CD82: variants seen among roughly 807,000 people sequenced by gnomAD.
CD82 encodes the protein CD82 antigen.
CD82 carries 36 observed loss-of-function variants against 37.4 expected under a neutral mutation model. The observed-to-expected ratio is 0.96, with a 90% CI of 0.74 to 1.27. The LOEUF (loss-of-function observed/expected upper bound fraction) is 1.27, where lower values mean the gene tolerates loss of function less well. Among genes scored for constraint, CD82 ranks in the 50% most tolerant of loss-of-function variants. The pLI is 0.00. For synonymous variants in CD82, 158 were observed against 137.4 expected (o/e 1.15, Z -1.05); for missense variants, 340 against 347.0 (o/e 0.98, Z 0.16).
chr11:44,598,935 G>A (rs530551106), intron 3 of CD82, among the ~76,000 whole-genome samples: 101 of 152,226 alleles, frequency 6.6e-4, no homozygotes, highest in Non-Finnish European at 1.2e-3. Flanking sequence ...CTAATGGCCA[G>A]CCTTGTGGGT....
intron 6 of CD82, among the ~76,000 whole-genome samples, chr11:44,614,081 C>T (rs999615067): frequency 3.3e-5 from 5 of 152,094 alleles, no homozygotes; most frequent in African/African-American, 1.2e-4. Context: ...GGTGCGATCT[C>T]GACTCACTGT....
At chr11:44,615,910 G>A (rs945377385) in intron 7 of CD82, among the ~76,000 whole-genome samples, 2 of 152,166 alleles carry the variant, frequency 1.3e-5, no homozygotes, top group Non-Finnish European at 2.9e-5. Context: ...TGAGAGAGAT[G>A]GATGGATGGA....
rs558282216 is a variant in CD82, at chr11:44,584,199, T to A, written c.-102-3276T>A. On this transcript the variant is annotated intron_variant, in intron 1 of 9. Coordinates refer to ENST00000227155, the MANE Select transcript of CD82 (RefSeq NM_002231.4). ...AGCATCTTGCTGTTAGAGGTGGGAA[T>A]GTTGGGGCTCAGAGGGGTTTAGTTA... is the stretch of plus-strand genomic sequence containing the variant. Among the ~76,000 whole-genome samples the A allele has an allele frequency of 4.0e-4, 61 of 152,258 alleles. 1 individual carries two copies. The South Asian group carries it at 0.011, about 26-fold the overall frequency.
chr11:44,587,058 G>A (rs1853065963), intron 1 of CD82, among the ~76,000 whole-genome samples: 1 of 152,198 alleles, frequency 6.6e-6, no homozygotes, highest in Non-Finnish European at 1.5e-5. Context: ...CCTACCCCTA[G>A]AGATCCTGAT....
intron 3 of CD82, chr11:44,594,992 A>G (rs7925603): frequency 0.2 from 98,674 of 499,718 alleles, 11,051 homozygotes; most frequent in African/African-American, 0.36. Context: ...GGCGGTGGGT[A>G]TGGGGAAGGA....
At chr11:44,618,496 T>G in intron 8 of CD82, 131 bp downstream of exon 8, 1 of 1,057,854 alleles carries the variant, frequency 9.5e-7, no homozygotes, top group East Asian at 2.4e-5. Flanking sequence ...CTTCATCTAC[T>G]TCTTTGTTAA....
chr11:44,566,814 A>G (rs1164308185), intron 1 of CD82, among the ~76,000 whole-genome samples: 4 of 149,328 alleles, frequency 2.7e-5, no homozygotes, highest in Non-Finnish European at 5.9e-5. Flanking sequence ...TCTTGGAGAG[A>G]TGGGGTTGGC....
chr11:44,619,578 T>C lies in CD82; in HGVS notation c.*452T>C, dbSNP rs548974243. 7.2e-5 allele frequency: 11 copies of C among 153,050 alleles called. No individual in the cohort carries two copies. The highest frequency in any genetic ancestry group is 1.9e-4 in the South Asian group (1 of 5,200). 9.5% of individuals were successfully genotyped at this position (153,050 alleles called of 1,614,324 possible). ...GAGATCGAGACCATCCTGGCTAACA[T>C]GGTGAAACCCCGTCTCTACTAAAAA... On this transcript the variant is annotated 3_prime_UTR_variant, in exon 10 of 10. Coordinates refer to ENST00000227155, the MANE Select transcript of CD82 (RefSeq NM_002231.4).
At chr11:44,577,841 G>T (rs1337102302) in intron 1 of CD82, among the ~76,000 whole-genome samples, 3 of 152,178 alleles carry the variant, frequency 2.0e-5, no homozygotes, top group South Asian at 4.1e-4. Flanking sequence ...TGAGTAGGGC[G>T]CCGGGTTGGG....
chr11:44,602,084 A>G (rs1374905543), intron 4 of CD82, among the ~76,000 whole-genome samples: 1 of 152,182 alleles, frequency 6.6e-6, no homozygotes, highest in Non-Finnish European at 1.5e-5. Flanking sequence ...AACTTGTTTA[A>G]GGGCACACAG....
At chr11:44,590,347 G>A (rs930146718) in intron 2 of CD82, among the ~76,000 whole-genome samples, 24 of 151,588 alleles carry the variant, frequency 1.6e-4, no homozygotes, top group African/African-American at 5.6e-4. Context: ...AGTGGCTCAC[G>A]TCTGTAATCC....
intron 3 of CD82, 59 bp downstream of exon 3, chr11:44,594,784 C>G (rs1565087712): frequency 8.3e-6 from 12 of 1,443,194 alleles, no homozygotes; most frequent in Non-Finnish European, 1.2e-5. Context: ...CCAGGGGCAT[C>G]CCAGCCTGAG....
At position 44,580,928 on chromosome 11, in the gene CD82, G is replaced by T. The variant is rs137855166; in HGVS notation, c.-102-6547G>T. 4.9e-3 allele frequency among the ~76,000 whole-genome samples: 748 copies of T among 152,254 alleles called. 4 individuals are homozygous for T. The highest frequency in any genetic ancestry group is 0.017 in the African/African-American group (711 of 41,530). ...GAGCTCAGTGCCTGGGGAGGGGAAG[G>T]CATGATGTGACAAAAGGTTTGCCTG... On this transcript the variant is annotated intron_variant, in intron 1 of 9. Transcript: ENST00000227155.
chr11:44,618,567 G>A lies in CD82; in HGVS notation c.643-73G>A, dbSNP rs915176387. Reference sequence around the variant, plus strand: ...GGGGCTTCCGGGCTGGGACTGGGGGGCTCTCGGTGGTTCTGCATGGCGGGG... The same window carrying A: ...GGGGCTTCCGGGCTGGGACTGGGGGACTCTCGGTGGTTCTGCATGGCGGGG... On this transcript the variant is annotated intron_variant, in intron 8 of 9. Transcript: ENST00000227155. 4.1e-5 allele frequency: 54 copies of A among 1,319,532 alleles called. No homozygotes were observed. In the African/African-American group the frequency reaches 5.6e-4, roughly 14 times the overall value. 81.7% of individuals were successfully genotyped at this position (1,319,532 alleles called of 1,614,324 possible). A position where few individuals can be genotyped will look rare whatever the true frequency, so the allele number is the denominator to read the frequency against.
At chr11:44,567,229 A>G (rs1011170567) in intron 1 of CD82, among the ~76,000 whole-genome samples, 7 of 152,160 alleles carry the variant, frequency 4.6e-5, no homozygotes, top group Admixed American at 2.6e-4. Context: ...TGGGCACCCG[A>G]TATCTAAGCA....
chr11:44,587,496 G>A lies in CD82; in HGVS notation c.-81G>A. 2.2e-6 allele frequency: 1 copy of A among 456,360 alleles called. No homozygotes were observed. Among genetic ancestry groups the A allele is most frequent in the Non-Finnish European group, 4.4e-6 (1 of 226,974 alleles). The allele number at this position is 456,360 out of a possible 1,614,324, so 28.3% of individuals were successfully genotyped here. ...TCAGAGTCCTCCCTGCTGCTGTGTG[G>A]ACGACACGTGGGCACAGGCAGAAGT... On this transcript the variant is annotated 5_prime_UTR_variant, in exon 2 of 10. Coordinates refer to ENST00000227155, the MANE Select transcript of CD82 (RefSeq NM_002231.4).
chr11:44,590,610 C>CAAAAAAAAAAAAAAAAAAAAAAAAAAAA (rs56665683), intron 2 of CD82, among the ~76,000 whole-genome samples: 2 of 33,456 alleles, frequency 6.0e-5, no homozygotes, highest in Non-Finnish European at 1.1e-4. Flanking sequence ...GATTCTGTCT[C>CAAAAAAAAAAAAAAAAAAAAAAAAAAAA]AAAAAAAAAA....
At chr11:44,595,261 C>T (rs997312968) in intron 3 of CD82, among the ~76,000 whole-genome samples, 3 of 152,032 alleles carry the variant, frequency 2.0e-5, no homozygotes, top group African/African-American at 4.8e-5. Flanking sequence ...CAGACCCACC[C>T]CAGCAGATGG....
intron 1 of CD82, among the ~76,000 whole-genome samples, chr11:44,577,886 G>A (rs751243900): frequency 6.6e-6 from 1 of 152,192 alleles, no homozygotes; most frequent in African/African-American, 2.4e-5. Context: ...GGTAGCTCTA[G>A]GTAGGGGGTG....
Sources: allele counts gnomAD v4.1 joint callset (sites outside exome capture counted in the v4.1 genomes callset), GRCh38; gene constraint gnomAD v4.1.1; transcripts MANE v1.5; gene names NCBI Gene and HGNC (gene_info 2026-07-23, HGNC 2026-07-21).